The following SMYD2 variants were observed in gnomAD, a reference collection of about 807,000 sequenced individuals.
SMYD2 encodes the protein SET and MYND domain containing 2.
Under a neutral mutation model 59.1 loss-of-function variants are expected in SMYD2, and 53 were observed. The observed-to-expected ratio is 0.90, with a 90% confidence interval of 0.72 to 1.13. The LOEUF is 1.13. Among genes scored for constraint, SMYD2 ranks in the 50% most tolerant of loss-of-function variants. The pLI is 0.00. For synonymous variants in SMYD2, 208 were observed against 198.8 expected (o/e 1.05, Z -0.39); for missense variants, 494 against 544.7 (o/e 0.91, Z 0.93).
intron 1 of SMYD2, among the ~76,000 whole-genome samples, chr1:214,295,963 T>A (rs1324380681): frequency 6.6e-6 from 1 of 152,244 alleles, no homozygotes; most frequent in Non-Finnish European, 1.5e-5. Context: ...CTGCTGGGGC[T>A]TTTTTCCCAT....
Position 214,336,337 on chromosome 1 carries a change from C to T in SMYD2, c.1222-367C>T, listed in dbSNP as rs546943799. On this transcript the variant is annotated intron_variant, in intron 11 of 11. Coordinates refer to ENST00000366957, the MANE Select transcript of SMYD2 (RefSeq NM_020197.3). The stretch of plus-strand genomic sequence containing the variant: ...CACGAGGTCAGGAGATCGAGACCAT[C>T]CTGGCTAACACAGTGAAACCCCGTG... Among the ~76,000 whole-genome samples, 39 of 152,262 alleles carry T rather than the reference C, an allele frequency of 2.6e-4. 1 individual carries two copies. Among genetic ancestry groups the T allele is most frequent in the South Asian group, 1.9e-3 (9 of 4,820 alleles).
chr1:214,281,464 G>T (rs770583171), intron 1 of SMYD2, 37 bp downstream of exon 1: 1 of 1,344,228 alleles, frequency 7.4e-7, no homozygotes, highest in Non-Finnish European at 9.6e-7. Context: ...GGCGGGAGCC[G>T]GGGGCGCCGA....
intron 2 of SMYD2, among the ~76,000 whole-genome samples, chr1:214,313,903 GC>G (rs781690630): frequency 3.9e-5 from 6 of 152,134 alleles, no homozygotes; most frequent in Non-Finnish European, 7.4e-5. Flanking sequence ...GTTAGGCCAG[GC>G]ACGGTGGCTC....
At chr1:214,315,412 AAGAG>A (rs1437029836) in intron 3 of SMYD2, among the ~76,000 whole-genome samples, 2 of 152,004 alleles carry the variant, frequency 1.3e-5, no homozygotes, top group African/African-American at 4.8e-5. Context: ...GGGAGAGGGG[AAGAG>A]AGTTAAAAAA....
chr1:214,305,235 C>T lies in SMYD2; in HGVS notation c.222C>T (p.Cys74=). ...GAAGATGCAAGCAGGCATTTTACTG[C>T]AATGTGGAGTGTCAGGTAGGTGCTG... is the stretch of plus-strand genomic sequence containing the variant. ...KCGRCKQAFY[C]NVECQKEDWP... Residue 74 remains cysteine, a synonymous_variant, in exon 2 of 12, where the codon TGC becomes TGT. Transcript: ENST00000366957. 1 of 1,614,192 alleles carries T rather than the reference C, an allele frequency of 6.2e-7. No individual in the cohort carries two copies. Among genetic ancestry groups the T allele is most frequent in the East Asian group, 2.2e-5 (1 of 44,886 alleles).
At chr1:214,330,839 G>A (rs2102478962) in intron 8 of SMYD2, 111 bp from the exon 9 acceptor site, 1 of 1,486,150 alleles carries the variant, frequency 6.7e-7, no homozygotes, top group Admixed American at 2.0e-5. Context: ...TGTAACCTTG[G>A]AATGGGCCAG....
intron 1 of SMYD2, among the ~76,000 whole-genome samples, chr1:214,297,247 CTG>C (rs1372889337): frequency 6.6e-6 from 1 of 152,000 alleles, no homozygotes; most frequent in Non-Finnish European, 1.5e-5. Flanking sequence ...TTGAGAACCA[CTG>C]TGAGAGGTTA....
At chr1:214,281,699 C>G (rs1393057870) in intron 1 of SMYD2, among the ~76,000 whole-genome samples, 1 of 152,220 alleles carries the variant, frequency 6.6e-6, no homozygotes, top group African/African-American at 2.4e-5. Context: ...TGCGCAAACC[C>G]GGGCGTGCAG....
chr1:214,336,548 T>TTAAAATAAATAAAAATAAAA (rs1553256583), intron 11 of SMYD2, among the ~76,000 whole-genome samples, 156 bp from the exon 12 acceptor site: 1 of 152,088 alleles, frequency 6.6e-6, no homozygotes, highest in African/African-American at 2.4e-5. Flanking sequence ...AATAAATAAA[T>TTAAAATAAATAAAAATAAAA]TAAAATAAAA....
In SMYD2 at chr1:214,312,454, C is replaced by G. The variant is rs1424019857; in HGVS notation, c.238-2308C>G. Among the ~76,000 whole-genome samples, 1 of 152,094 alleles carries G rather than the reference C, an allele frequency of 6.6e-6. No homozygotes were observed. The highest frequency in any genetic ancestry group is 1.5e-5 in the Non-Finnish European group (1 of 68,018). On this transcript the variant is annotated intron_variant, in intron 2 of 11. Coordinates refer to ENST00000366957, the MANE Select transcript of SMYD2 (RefSeq NM_020197.3). The surrounding 1 kb of genome is among the most constrained non-coding windows in gnomAD (Gnocchi z 4.1). ...ACAACTAATAAATATATAATATGCTCAGGTGGTGAGAAGTACTAAGAAGCA... is the reference window on the plus strand; with the variant it reads ...ACAACTAATAAATATATAATATGCTGAGGTGGTGAGAAGTACTAAGAAGCA...
Position 214,324,513 on chromosome 1 carries a change from A to G in SMYD2, c.535-128A>G, listed in dbSNP as rs1165887192. On this transcript the variant is annotated intron_variant, in intron 5 of 11. Coordinates refer to ENST00000366957, the MANE Select transcript of SMYD2 (RefSeq NM_020197.3). Reference sequence around the variant, plus strand: ...GTTTGAACGATAACATGGGCAAAAGAAAGGGTTTAAAACCACTACACCAAA... The same window carrying G: ...GTTTGAACGATAACATGGGCAAAAGGAAGGGTTTAAAACCACTACACCAAA... 3 of 766,292 alleles carry G rather than the reference A, an allele frequency of 3.9e-6. No individual in the cohort carries two copies. The African/African-American group carries it at 5.3e-5, about 14-fold the overall frequency. 47.5% of individuals were successfully genotyped at this position (766,292 alleles called of 1,614,324 possible).
At chr1:214,327,574 G>T in intron 6 of SMYD2, 48 bp from the exon 7 acceptor site, 1 of 1,469,476 alleles carries the variant, frequency 6.8e-7, no homozygotes, top group Non-Finnish European at 9.5e-7. Context: ...AAGCTAAACA[G>T]TCTGCCTATC....
At chr1:214,308,055 T>TG (rs543255856) in intron 2 of SMYD2, among the ~76,000 whole-genome samples, 1 of 152,248 alleles carries the variant, frequency 6.6e-6, no homozygotes, top group Non-Finnish European at 1.5e-5. Flanking sequence ...AGCCTCATGA[T>TG]GGAGTTTCCC....
In SMYD2 at chr1:214,312,037, C is replaced by G. The variant is rs983825663; in HGVS notation, c.238-2725C>G. Among the ~76,000 whole-genome samples the G allele has an allele frequency of 2.0e-5, 3 of 152,238 alleles. No homozygotes were observed. The highest frequency in any genetic ancestry group is 7.2e-5 in the African/African-American group (3 of 41,470). ...TTAGTCTGCAGGGAGACAGACCCACCTGTTCCCACCTCTTCGCCTCATCAC... is the reference window on the plus strand; with the variant it reads ...TTAGTCTGCAGGGAGACAGACCCACGTGTTCCCACCTCTTCGCCTCATCAC... On this transcript the variant is annotated intron_variant, in intron 2 of 11. Coordinates refer to ENST00000366957, the MANE Select transcript of SMYD2 (RefSeq NM_020197.3). The surrounding 1 kb of genome is among the most constrained non-coding windows in gnomAD (Gnocchi z 4.1).
rs560825107 is a variant in SMYD2, at chr1:214,312,797, C to T, written c.238-1965C>T. Among the ~76,000 whole-genome samples, 4 of 152,288 alleles carry T rather than the reference C, an allele frequency of 2.6e-5. No individual in the cohort carries two copies. Among genetic ancestry groups the T allele is most frequent in the South Asian group, 2.1e-4 (1 of 4,822 alleles). ...GTGTGGCCTCCTAGGTCACCTTTAG[C>T]GCTTGGCCTTTTGCCTGGATGAGAA... On this transcript the variant is annotated intron_variant, in intron 2 of 11. Transcript: ENST00000366957. This position sits in a 1 kb window ranked among gnomAD's most constrained non-coding sequence, Gnocchi z 4.1.
In SMYD2 at chr1:214,330,114, A is replaced by G. The variant is rs151048463; in HGVS notation, c.706-54A>G. The G allele has an allele frequency of 3.6e-4, 447 of 1,246,388 alleles. No homozygotes were observed. In the African/African-American group the frequency reaches 6.2e-3, roughly 17 times the overall value. The allele number at this position is 1,246,388 out of a possible 1,614,324, so 77.2% of individuals were successfully genotyped here. Reference sequence around the variant, plus strand: ...GTGACTGCAAAGGCACGGGAATGACAAGGATTGAGTTTACCTGTAGCAGAC... The same window carrying G: ...GTGACTGCAAAGGCACGGGAATGACGAGGATTGAGTTTACCTGTAGCAGAC... On this transcript the variant is annotated intron_variant, in intron 7 of 11. Transcript: ENST00000366957.
chr1:214,305,281 T>C, intron 2 of SMYD2, 31 bp downstream of exon 2: 1 of 1,598,392 alleles, frequency 6.3e-7, no homozygotes. Context: ...AGGGAGGGCC[T>C]AATTTCCTCT....
intron 1 of SMYD2, among the ~76,000 whole-genome samples, chr1:214,290,058 CTT>C (rs1003840277): frequency 1.3e-5 from 2 of 152,234 alleles, no homozygotes; most frequent in Non-Finnish European, 2.9e-5. Context: ...ACACACCTCA[CTT>C]TGTGTAACTT....
chr1:214,313,479 A>G (rs1044743487), intron 2 of SMYD2, among the ~76,000 whole-genome samples: 2 of 151,576 alleles, frequency 1.3e-5, no homozygotes, highest in African/African-American at 4.8e-5. Flanking sequence ...AAGGGCTTCC[A>G]TCAGTATACA....
Sources: gnomAD v4.1 joint callset for allele counts (sites outside exome capture counted in the v4.1 genomes callset) on GRCh38, gnomAD v4.1.1 for gene constraint, Gnocchi (gnomAD v3.1) non-coding constraint, MANE v1.5 for transcripts, NCBI Gene and HGNC (gene_info 2026-07-23, HGNC 2026-07-21) for gene names.